The following RHOBTB3 variants were observed in gnomAD, a reference collection of about 807,000 sequenced individuals.
RHOBTB3 encodes the protein rho-related BTB domain-containing protein 3.
A neutral mutation model predicts 67.2 loss-of-function variants in RHOBTB3; 47 were observed. That is an observed-to-expected ratio of 0.70 (90% CI 0.55 to 0.89). The LOEUF (loss-of-function observed/expected upper bound fraction) is 0.89, where lower values mean the gene tolerates loss of function less well. Ranked by LOEUF, RHOBTB3 falls within the 40% of genes least tolerant of loss-of-function variation. The pLI is 0.00. For synonymous variants in RHOBTB3, 273 were observed against 274.2 expected, an observed-to-expected ratio of 1.00 and a Z score of 0.04; for missense variants, 631 against 750.0, an observed-to-expected ratio of 0.84 and a Z score of 1.85.
At chr5:95,771,621 C>A (rs1745717164) in intron 8 of RHOBTB3, among the ~76,000 whole-genome samples, 1 of 152,176 alleles carries the variant, frequency 6.6e-6, no homozygotes, top group African/African-American at 2.4e-5. Context: ...TATGATCACA[C>A]CTTGATTTAT....
At chr5:95,777,446 A>G (rs11135433) in intron 8 of RHOBTB3, among the ~76,000 whole-genome samples, 14,668 of 152,268 alleles carry the variant, frequency 0.096, 1,397 homozygotes, top group African/African-American at 0.25. Context: ...TCCTTAGAAA[A>G]AAATTCTTAA....
chr5:95,731,226 C>T, upstream of RHOBTB3: 1 of 1,003,838 alleles, frequency 1.0e-6, no homozygotes, highest in African/African-American at 1.7e-5. Flanking sequence ...CCCGCATCCG[C>T]CCGACCCCCG....
At position 95,793,194 on chromosome 5, in the gene RHOBTB3, A is replaced by G; in HGVS notation, c.*20A>G. On this transcript the variant is annotated 3_prime_UTR_variant, in exon 12 of 12. Transcript: ENST00000379982. ...ATGTAACCTGGAGCTTTTATACACT[A>G]CATTTCTTTTTTATTATTATGAAGA... is the stretch of plus-strand genomic sequence containing the variant. The G allele has an allele frequency of 6.9e-7, 1 of 1,459,532 alleles. No individual in the cohort carries two copies. Among genetic ancestry groups the G allele is most frequent in the Non-Finnish European group, 9.5e-7 (1 of 1,057,780 alleles). The allele number at this position is 1,459,532 out of a possible 1,614,324, so 90.4% of individuals were successfully genotyped here.
At chr5:95,719,613 A>T (rs1354662023) in intron 1 of RHOBTB3, 1 of 152,248 alleles carries the variant, frequency 6.6e-6, no homozygotes, top group Non-Finnish European at 1.5e-5. Flanking sequence ...AGTAAAAAAC[A>T]TATATACATT....
At chr5:95,791,816 G>A (rs1016438463) in intron 11 of RHOBTB3, among the ~76,000 whole-genome samples, 2 of 152,020 alleles carry the variant, frequency 1.3e-5, no homozygotes, top group African/African-American at 4.8e-5. Context: ...AAAGTGGTGG[G>A]ATTACAGACA....
At chr5:95,780,519 A>G in intron 9 of RHOBTB3, 94 bp downstream of exon 9, 1 of 1,062,166 alleles carries the variant, frequency 9.4e-7, no homozygotes, top group Non-Finnish European at 1.4e-6. Flanking sequence ...ATTTTCATTT[A>G]AGATTTATTA....
chr5:95,725,435 T>C (rs1755025772), intron 1 of RHOBTB3, among the ~76,000 whole-genome samples: 1 of 152,258 alleles, frequency 6.6e-6, no homozygotes, highest in Non-Finnish European at 1.5e-5. Flanking sequence ...TCATTATCTC[T>C]GAGGGAAAGA....
chr5:95,788,868 T>C lies in RHOBTB3; in HGVS notation c.1720+10T>C, dbSNP rs1387155570. The C allele has an allele frequency of 1.4e-6, 2 of 1,475,158 alleles. No homozygotes were observed. Among genetic ancestry groups the C allele is most frequent in the South Asian group, 1.3e-5 (1 of 74,598 alleles). 91.4% of individuals were successfully genotyped at this position (1,475,158 alleles called of 1,614,324 possible). A position where few individuals can be genotyped will look rare whatever the true frequency, so the allele number is the denominator to read the frequency against. On this transcript the variant is annotated intron_variant, in intron 11 of 11. Transcript: ENST00000379982. ...TTTCAGGATCTTTCAGGTAGATTGCTAATTTCTGTTTTGAAAAGAAAACTT... is the reference window on the plus strand; with the variant it reads ...TTTCAGGATCTTTCAGGTAGATTGCCAATTTCTGTTTTGAAAAGAAAACTT...
intron 10 of RHOBTB3, among the ~76,000 whole-genome samples, chr5:95,788,406 T>C (rs1746282365): frequency 6.6e-6 from 1 of 152,234 alleles, no homozygotes; most frequent in Admixed American, 6.5e-5. Flanking sequence ...CATCATCTAC[T>C]ACACAGATAC....
chr5:95,770,761 G>A (rs1745684242), intron 8 of RHOBTB3: 2 of 289,968 alleles, frequency 6.9e-6, no homozygotes, highest in Admixed American at 6.8e-5. Context: ...GCTCAAGGCA[G>A]TATTTCTCAC....
rs10718378 is a variant in RHOBTB3, at chr5:95,735,259, CTT to C, written c.229-1615_229-1614del. 8.3e-3 allele frequency among the ~76,000 whole-genome samples: 1,109 copies of C among 133,588 alleles called. 9 individuals carry two copies. Among genetic ancestry groups the C allele is most frequent in the African/African-American group, 0.014 (500 of 36,138 alleles). The allele number at this position is 133,588 out of a possible 152,430, so 87.6% of individuals were successfully genotyped here. A position where few individuals can be genotyped will look rare whatever the true frequency, so the allele number is the denominator to read the frequency against. On this transcript the variant is annotated intron_variant, in intron 2 of 11. Coordinates refer to ENST00000379982, the MANE Select transcript of RHOBTB3 (RefSeq NM_014899.4). ...TTGTTGTTTATAGTCCATATTTTGC[CTT>C]TTTTTTTTTTTTTTGGTTCTTTTAC...
intron 11 of RHOBTB3, among the ~76,000 whole-genome samples, chr5:95,791,699 T>G (rs1325767634): frequency 6.6e-6 from 1 of 151,958 alleles, no homozygotes. Context: ...CCCAGCTAAT[T>G]TTTCTTTTCT....
chr5:95,740,067 AG>A (rs1275836424), intron 3 of RHOBTB3, among the ~76,000 whole-genome samples: 1 of 152,158 alleles, frequency 6.6e-6, no homozygotes, highest in Non-Finnish European at 1.5e-5. Context: ...TTCTCATGAT[AG>A]TGAGTAAGTC....
chr5:95,753,078 G>T (rs1011764311), intron 5 of RHOBTB3, among the ~76,000 whole-genome samples: 2 of 152,078 alleles, frequency 1.3e-5, no homozygotes, highest in Non-Finnish European at 2.9e-5. Flanking sequence ...CTTGCAGTGA[G>T]CAGAGATTGT....
chr5:95,759,835 C>T (rs1283620853), intron 6 of RHOBTB3, among the ~76,000 whole-genome samples: 1 of 152,088 alleles, frequency 6.6e-6, no homozygotes, highest in East Asian at 1.9e-4. Context: ...GTTTGTGTTC[C>T]CATCAGATGG....
At chr5:95,792,543 A>G (rs1746439224) in intron 11 of RHOBTB3, among the ~76,000 whole-genome samples, 1 of 152,152 alleles carries the variant, frequency 6.6e-6, no homozygotes, top group African/African-American at 2.4e-5. Flanking sequence ...CTGTAATCCT[A>G]GCACTTTGGG....
intron 8 of RHOBTB3, chr5:95,769,335 G>A: frequency 2.1e-6 from 1 of 474,768 alleles, no homozygotes. Context: ...GGCTGGGGAT[G>A]GCACCACCAC....
chr5:95,728,390 C>G (rs1755121565), upstream of RHOBTB3, among the ~76,000 whole-genome samples: 1 of 152,190 alleles, frequency 6.6e-6, no homozygotes, highest in African/African-American at 2.4e-5. Flanking sequence ...TTGAAATACT[C>G]CTTCCCTTCT....
In RHOBTB3 at chr5:95,795,249, A is replaced by G. The variant is rs1033101269; in HGVS notation, c.*2075A>G. 6.6e-6 allele frequency: 1 copy of G among 152,144 alleles called. No individual in the cohort carries two copies. The highest frequency in any genetic ancestry group is 1.5e-5 in the Non-Finnish European group (1 of 68,020). 9.4% of individuals were successfully genotyped at this position (152,144 alleles called of 1,614,324 possible). A position where few individuals can be genotyped will look rare whatever the true frequency, so the allele number is the denominator to read the frequency against. ...ATGTCTTTTGTATTTTAATCACTTGAGTTAATCAACCACTGGCAAATCCCA... is the reference window on the plus strand; with the variant it reads ...ATGTCTTTTGTATTTTAATCACTTGGGTTAATCAACCACTGGCAAATCCCA... On this transcript the variant is annotated 3_prime_UTR_variant, in exon 12 of 12. Coordinates refer to ENST00000379982, the MANE Select transcript of RHOBTB3 (RefSeq NM_014899.4).
Sources: allele counts gnomAD v4.1 joint callset (sites outside exome capture counted in the v4.1 genomes callset), GRCh38; gene constraint gnomAD v4.1.1; transcripts MANE v1.5; gene names NCBI Gene and HGNC (gene_info 2026-07-23, HGNC 2026-07-21).